TFB1M: variants seen among roughly 807,000 people sequenced by gnomAD.
The protein encoded by TFB1M is transcription factor B1, mitochondrial, also known as dimethyladenosine transferase 1, mitochondrial.
A neutral mutation model predicts 31.1 loss-of-function variants in TFB1M; 27 were observed. The ratio of observed to expected loss-of-function variants is 0.87; its 90% CI spans 0.64 to 1.20. The LOEUF is 1.20. Ranked by LOEUF, TFB1M falls within the 50% of genes most tolerant of loss-of-function variation. The pLI is 0.00. For missense variants in TFB1M, 394 were observed against 418.7 expected, an observed-to-expected ratio of 0.94 and a Z score of 0.51; for synonymous variants, 166 against 151.8, an observed-to-expected ratio of 1.09 and a Z score of -0.69.
At chr6:155,244,766 A>G in the TFB1M span, 7 of 1,609,846 alleles carry the variant, frequency 4.3e-6, no homozygotes, top group Non-Finnish European at 5.1e-6. Context: ...CACCCTAGAA[A>G]CCCCCTCACA....
chr6:155,294,263 G>A (rs1777066501), intron 4 of TFB1M, among the ~76,000 whole-genome samples: 1 of 152,126 alleles, frequency 6.6e-6, no homozygotes, highest in African/African-American at 2.4e-5. Context: ...GATAACAGAA[G>A]AATATCTTCA....
chr6:155,282,579 T>C (rs1470056783), intron 5 of TFB1M, among the ~76,000 whole-genome samples: 2 of 152,210 alleles, frequency 1.3e-5, no homozygotes, highest in Non-Finnish European at 2.9e-5. Flanking sequence ...CCAACCTCTA[T>C]TTTTAGCGCT....
chr6:155,249,155 G>GA, the TFB1M span, among the ~76,000 whole-genome samples: 428 of 151,826 alleles, frequency 2.8e-3, 1 homozygote, highest in Non-Finnish European at 3.3e-3. Flanking sequence ...TGAATTGGGA[G>GA]AAAAAAAAGT....
At chr6:155,307,809 A>G (rs182437439) in intron 2 of TFB1M, among the ~76,000 whole-genome samples, 56 of 152,250 alleles carry the variant, frequency 3.7e-4, no homozygotes, top group Admixed American at 2.4e-3. Flanking sequence ...AAAAAAATGC[A>G]AAACAAATTT....
the TFB1M span, chr6:155,244,782 G>C: frequency 6.2e-7 from 1 of 1,606,898 alleles, no homozygotes; most frequent in African/African-American, 1.3e-5. Flanking sequence ...TCACAGTTTA[G>C]AGTAAGTATC....
At chr6:155,292,905 C>A (rs1009262892) in intron 4 of TFB1M, among the ~76,000 whole-genome samples, 1 of 152,166 alleles carries the variant, frequency 6.6e-6, no homozygotes, top group African/African-American at 2.4e-5. Flanking sequence ...TCACGGCTCA[C>A]TGTAATTTGA....
the TFB1M span, among the ~76,000 whole-genome samples, chr6:155,234,992 AGCACAGCTAGAGATG>A: frequency 3.4e-5 from 4 of 117,900 alleles, no homozygotes; most frequent in Non-Finnish European, 8.7e-5. Flanking sequence ...CTAGAGACGG[AGCACAGCTAGAGATG>A]GAGCACAGCT....
chr6:155,252,143 TA>T (rs1783700910), downstream of TFB1M: 1 of 643,848 alleles, frequency 1.6e-6, no homozygotes, highest in African/African-American at 1.8e-5. Flanking sequence ...CCCCATCACA[TA>T]CTGAGAGCGT....
chr6:155,299,132 C>T (rs538099711), intron 2 of TFB1M, among the ~76,000 whole-genome samples: 1 of 152,222 alleles, frequency 6.6e-6, no homozygotes, highest in East Asian at 1.9e-4. Flanking sequence ...ACTCCTCTGA[C>T]CAGAGCATCC....
intron 2 of TFB1M, among the ~76,000 whole-genome samples, chr6:155,305,462 T>C (rs1777668982): frequency 3.5e-5 from 1 of 28,806 alleles, no homozygotes; most frequent in Non-Finnish European, 5.1e-5. Flanking sequence ...TATATTTATA[T>C]ATATAAATAT....
intron 5 of TFB1M, among the ~76,000 whole-genome samples, chr6:155,266,190 A>AT (rs969672596): frequency 1.3e-5 from 2 of 151,852 alleles, no homozygotes; most frequent in African/African-American, 2.4e-5. Flanking sequence ...CCATCACAAC[A>AT]TTTTTTTTAA....
At chr6:155,240,706 G>C in the TFB1M span, 2 of 1,608,638 alleles carry the variant, frequency 1.2e-6, no homozygotes, top group Non-Finnish European at 1.7e-6. Flanking sequence ...AGTCCTACGT[G>C]AAGGTAAGGG....
At chr6:155,248,021 A>G in the TFB1M span, 10 of 1,614,032 alleles carry the variant, frequency 6.2e-6, no homozygotes, top group Non-Finnish European at 8.5e-6. Flanking sequence ...AAAGCCTTCA[A>G]GGCTTTTCTG....
the TFB1M span, chr6:155,245,834 G>T: frequency 3.7e-4 from 283 of 768,248 alleles, no homozygotes; most frequent in Admixed American, 6.7e-4. Flanking sequence ...GTACAATTTT[G>T]ATGTATTAAG....
At chr6:155,276,336 A>G (rs757889355) in intron 5 of TFB1M, 1 of 1,613,618 alleles carries the variant, frequency 6.2e-7, no homozygotes. Flanking sequence ...TCTAACACAC[A>G]GCTCGAGAAC....
chr6:155,258,030 A>G lies in TFB1M; in HGVS notation c.847T>C (p.Leu283=). ...RLESTGRLLE[L]ADIDPTLRPR... ...CGAAGAGTAGGGTCTATGTCTGCCA[A>G]CTCTAACAGCCTGCCCGTGCTTTCC... Residue 283 remains leucine, a synonymous_variant, in exon 7 of 7, where the codon TTG becomes CTG. Coordinates refer to ENST00000367166, the MANE Select transcript of TFB1M (RefSeq NM_016020.4). 3 of 1,614,198 alleles carry G rather than the reference A, an allele frequency of 1.9e-6. No individual in the cohort carries two copies. The South Asian group carries it at 3.3e-5, about 18-fold the overall frequency.
chr6:155,287,390 A>C (rs186672073), intron 4 of TFB1M, among the ~76,000 whole-genome samples: 3 of 151,530 alleles, frequency 2.0e-5, no homozygotes, highest in Admixed American at 2.0e-4. Context: ...AAATAATAAA[A>C]ATCAACATGT....
chr6:155,312,305 A>T (rs1778050498), intron 1 of TFB1M, among the ~76,000 whole-genome samples: 1 of 152,200 alleles, frequency 6.6e-6, no homozygotes, highest in Non-Finnish European at 1.5e-5. Flanking sequence ...GCATCCACTG[A>T]CCATCTTATC....
intron 1 of TFB1M, among the ~76,000 whole-genome samples, chr6:155,313,934 A>T (rs1325289624): frequency 3.3e-5 from 5 of 152,210 alleles, no homozygotes; most frequent in African/African-American, 1.2e-4. Context: ...ATGTAAAGCA[A>T]CTGCAGTCAG....
Sources: gnomAD v4.1 joint callset for allele counts (sites outside exome capture counted in the v4.1 genomes callset) on GRCh38, gnomAD v4.1.1 for gene constraint, MANE v1.5 for transcripts, NCBI Gene and HGNC (gene_info 2026-07-23, HGNC 2026-07-21) for gene names.